The following DPY19L4 variants were observed in gnomAD, a reference collection of about 807,000 sequenced individuals.
DPY19L4 encodes the protein dpy-19 like 4, also known as probable C-mannosyltransferase DPY19L4.
DPY19L4 carries 97 observed loss-of-function variants against 102.8 expected under a neutral mutation model. The observed-to-expected ratio is 0.94, with a 90% CI of 0.80 to 1.12. The LOEUF is 1.12. Ranked by LOEUF, DPY19L4 falls within the 50% of genes most tolerant of loss-of-function variation. The probability of loss-of-function intolerance (pLI) is 0.00; values close to 1 mark genes in which losing one functional copy is unlikely to be tolerated. For synonymous variants in DPY19L4, 252 were observed against 283.1 expected (o/e 0.89, Z 1.10); for missense variants, 815 against 850.4 (o/e 0.96, Z 0.52).
chr8:94,749,475 C>T (rs1811824751), intron 6 of DPY19L4, among the ~76,000 whole-genome samples: 1 of 152,164 alleles, frequency 6.6e-6, no homozygotes, highest in South Asian at 2.1e-4. Flanking sequence ...ACCTTTACAT[C>T]CTGATGCAAC....
Position 94,726,430 on chromosome 8 carries a change from G to A in DPY19L4, c.116G>A (p.Arg39Lys), listed in dbSNP as rs1385399777. The A allele has an allele frequency of 7.5e-6, 12 of 1,607,358 alleles. No homozygotes were observed. Among genetic ancestry groups the A allele is most frequent in the Non-Finnish European group, 9.3e-6 (11 of 1,178,364 alleles). The part of the protein sequence containing the change: ...EKISDIPIPE[R>K]APKHVLFQRF... ...ATCAGTGACATTCCAATTCCTGAAA[G>A]AGCTCCAAAACGTAAGTTAGATAGA... The change falls in exon 2 of 19, where the codon AGA becomes AAA. Residue 39 changes from arginine (R) to lysine (K), a missense_variant. By Grantham distance (26) the Arg-to-Lys change is conservative. Transcript: ENST00000414645.
At chr8:94,783,030 C>A (rs76678284) in intron 16 of DPY19L4, among the ~76,000 whole-genome samples, 7,531 of 151,902 alleles carry the variant, frequency 0.05, 481 homozygotes, top group African/African-American at 0.15. Context: ...TAGCCGGGCA[C>A]TATCCCTGGC....
chr8:94,787,949 CT>C lies in DPY19L4; in HGVS notation c.1906del (p.Tyr636ThrfsTer6). ...GAGGATATTTATAAAATACTGACAT[CT>C]TACAAAGCTAATTACCTAATTGTAG... Reference protein sequence around the residue: ...SAEDIYKILTSYKANYLIVED... With the variant: ...SAEDIYKILTXYKANYLIVED... On this transcript the variant is annotated frameshift_variant, in exon 18 of 19. Coordinates refer to ENST00000414645, the MANE Select transcript of DPY19L4 (RefSeq NM_181787.3). LOFTEE classifies it high-confidence loss of function. 6.6e-7 allele frequency: 1 copy of C among 1,510,884 alleles called. No homozygotes were observed. Among genetic ancestry groups the C allele is most frequent in the Non-Finnish European group, 8.9e-7 (1 of 1,128,744 alleles). 93.6% of individuals were successfully genotyped at this position (1,510,884 alleles called of 1,614,324 possible).
At chr8:94,768,306 T>C in intron 11 of DPY19L4, 89 bp from the exon 12 acceptor site, 1 of 1,036,970 alleles carries the variant, frequency 9.6e-7, no homozygotes, top group South Asian at 1.5e-5. Flanking sequence ...ATGTGTTTTT[T>C]CTTAGTTTTT....
At chr8:94,734,192 G>A (rs933521707) in intron 2 of DPY19L4, among the ~76,000 whole-genome samples, 1 of 151,264 alleles carries the variant, frequency 6.6e-6, no homozygotes, top group Non-Finnish European at 1.5e-5. Context: ...CCGAGTAGCT[G>A]GGATTACAAG....
At position 94,719,975 on chromosome 8, in the gene DPY19L4, G is replaced by A. The variant is rs1177342266; in HGVS notation, c.-24G>A. The A allele has an allele frequency of 1.3e-6, 2 of 1,513,240 alleles. No homozygotes were observed. Among genetic ancestry groups the A allele is most frequent in the Non-Finnish European group, 8.8e-7 (1 of 1,131,412 alleles). 93.7% of individuals were successfully genotyped at this position (1,513,240 alleles called of 1,614,324 possible). A position where few individuals can be genotyped will look rare whatever the true frequency, so the allele number is the denominator to read the frequency against. ...AGTCTGGGCCGCGCGGGAGCCGCAG[G>A]GCGCCCTAGCCTTCGCAGAAACGAT... On this transcript the variant is annotated 5_prime_UTR_variant, in exon 1 of 19. Transcript: ENST00000414645.
chr8:94,727,097 G>A (rs1329651741), intron 2 of DPY19L4, among the ~76,000 whole-genome samples: 3 of 152,172 alleles, frequency 2.0e-5, no homozygotes, highest in Non-Finnish European at 4.4e-5. Flanking sequence ...TTCTAATCCA[G>A]AGATCTATGA....
At position 94,789,972 on chromosome 8, in the gene DPY19L4, C is replaced by T; in HGVS notation, c.*62C>T. Reference sequence around the variant, plus strand: ...GTAAAATGCAGTTTTCTTCTACCTACTCGGTGTCTTTTGCAGATCAGAGTA... The same window carrying T: ...GTAAAATGCAGTTTTCTTCTACCTATTCGGTGTCTTTTGCAGATCAGAGTA... On this transcript the variant is annotated 3_prime_UTR_variant, in exon 19 of 19. Coordinates refer to ENST00000414645, the MANE Select transcript of DPY19L4 (RefSeq NM_181787.3). 1.3e-6 allele frequency: 2 copies of T among 1,512,414 alleles called. No homozygotes were observed. Among genetic ancestry groups the T allele is most frequent in the Non-Finnish European group, 1.8e-6 (2 of 1,115,378 alleles). The allele number at this position is 1,512,414 out of a possible 1,614,324, so 93.7% of individuals were successfully genotyped here.
intron 17 of DPY19L4, among the ~76,000 whole-genome samples, chr8:94,786,905 T>C (rs752496426): frequency 8.5e-5 from 13 of 152,154 alleles, no homozygotes; most frequent in Non-Finnish European, 1.8e-4. Context: ...CTAATCCTTA[T>C]ATAATCCCCT....
At chr8:94,758,704 C>G (rs1344801314) in intron 7 of DPY19L4, among the ~76,000 whole-genome samples, 1 of 151,968 alleles carries the variant, frequency 6.6e-6, no homozygotes, top group Non-Finnish European at 1.5e-5. Context: ...GAATACTTTG[C>G]TCCTTGTCAT....
In DPY19L4 at chr8:94,734,745, C is replaced by T. The variant is rs747696222; in HGVS notation, c.243C>T (p.Ser81=). The part of the protein sequence containing the change: ...SAYHERKFWF[S]NRQELEREIT... The stretch of plus-strand genomic sequence containing the variant: ...ACCATGAACGGAAATTCTGGTTTTC[C>T]AACAGGCAGGTAAGAAGAAAGAATT... Residue 81 remains serine, a synonymous_variant, in exon 3 of 19, where the codon TCC becomes TCT. Coordinates refer to ENST00000414645, the MANE Select transcript of DPY19L4 (RefSeq NM_181787.3). 9 of 1,613,130 alleles carry T rather than the reference C, an allele frequency of 5.6e-6. No homozygotes were observed. Among genetic ancestry groups the T allele is most frequent in the Non-Finnish European group, 7.6e-6 (9 of 1,179,820 alleles).
intron 6 of DPY19L4, chr8:94,744,619 A>C (rs753712573): frequency 1.5e-5 from 7 of 453,644 alleles, no homozygotes; most frequent in Non-Finnish European, 3.1e-5. Flanking sequence ...TGTAATCCCT[A>C]TATCTGTCTT....
Position 94,777,686 on chromosome 8 carries a change from C to T in DPY19L4, c.1475C>T (p.Pro492Leu), listed in dbSNP as rs1296489616. The T allele has an allele frequency of 2.5e-6, 4 of 1,613,600 alleles. No individual in the cohort carries two copies. The highest frequency in any genetic ancestry group is 2.2e-5 in the East Asian group (1 of 44,862). ...TCTAGCTTGAAGTACATCTGGATTCCTTATGTGTGCATGTTAGCAGCATTT... is the reference window on the plus strand; with the variant it reads ...TCTAGCTTGAAGTACATCTGGATTCTTTATGTGTGCATGTTAGCAGCATTT... ...VIEGLKYIWI[P>L]YVCMLAAFGV... The change falls in exon 14 of 19, where the codon CCT becomes CTT. Residue 492 changes from proline to leucine, a missense_variant. Physicochemically the swap from Pro to Leu is moderately conservative, Grantham distance 98 (BLOSUM62 -3). Coordinates refer to ENST00000414645, the MANE Select transcript of DPY19L4 (RefSeq NM_181787.3).
intron 1 of DPY19L4, among the ~76,000 whole-genome samples, chr8:94,721,022 C>T (rs1180430239): frequency 1.3e-5 from 2 of 152,094 alleles, no homozygotes; most frequent in African/African-American, 4.8e-5. Context: ...TCTCGGTTCA[C>T]CGCAACCTCC....
At chr8:94,738,521 T>C (rs1001043150) in intron 4 of DPY19L4, 62 bp downstream of exon 4, 16 of 1,064,318 alleles carry the variant, frequency 1.5e-5, no homozygotes, top group Admixed American at 3.1e-5. Flanking sequence ...CTTTTCTTTT[T>C]TTTTTTTTTC....
chr8:94,784,172 G>C (rs578228543), intron 17 of DPY19L4, among the ~76,000 whole-genome samples: 2 of 147,882 alleles, frequency 1.4e-5, no homozygotes, highest in Non-Finnish European at 3.0e-5. Context: ...GCCTCCAAGC[G>C]ATTCTCCTGC....
chr8:94,785,312 A>G (rs1813607581), intron 17 of DPY19L4, among the ~76,000 whole-genome samples: 1 of 152,240 alleles, frequency 6.6e-6, no homozygotes, highest in Non-Finnish European at 1.5e-5. Context: ...ACACATATAC[A>G]TAGACACACA....
At chr8:94,762,242 GC>G (rs942203536) in intron 8 of DPY19L4, among the ~76,000 whole-genome samples, 2 of 152,206 alleles carry the variant, frequency 1.3e-5, no homozygotes, top group African/African-American at 2.4e-5. Flanking sequence ...GCTATGGCTG[GC>G]TGCTCTTGGG....
In DPY19L4 at chr8:94,781,086, T is replaced by C; in HGVS notation, c.1635T>C (p.Phe545=). 1 of 1,579,170 alleles carries C rather than the reference T, an allele frequency of 6.3e-7. No homozygotes were observed. The highest frequency in any genetic ancestry group is 2.2e-5 in the East Asian group (1 of 44,560). Residue 545 remains phenylalanine (F), a splice_region_variant and synonymous_variant, in exon 16 of 19, where the codon TTT becomes TTC. Coordinates refer to ENST00000414645, the MANE Select transcript of DPY19L4 (RefSeq NM_181787.3). ...TIIGLSLWKE[F]FPRLMTELME... Reference sequence around the variant, plus strand: ...TTTTTTTTTTTTTTGCATTTTAGTTTTTTCCCAGATTAATGACAGAATTAA... The same window carrying C: ...TTTTTTTTTTTTTTGCATTTTAGTTCTTTCCCAGATTAATGACAGAATTAA...
Sources: allele counts gnomAD v4.1 joint callset (sites outside exome capture counted in the v4.1 genomes callset), GRCh38; gene constraint gnomAD v4.1.1; transcripts MANE v1.5; gene names NCBI Gene and HGNC (gene_info 2026-07-23, HGNC 2026-07-21).